GRM3: variants seen among roughly 807,000 people sequenced by gnomAD.
GRM3 encodes metabotropic glutamate receptor 3.
Under a neutral mutation model 70.5 loss-of-function variants are expected in GRM3, and 26 were observed. The observed-to-expected ratio is 0.37, with a 90% confidence interval of 0.27 to 0.51. The LOEUF (loss-of-function observed/expected upper bound fraction) is 0.51. Among genes scored for constraint, GRM3 ranks in the 20% least tolerant of loss-of-function variants. The probability of loss-of-function intolerance (pLI) is 0.93; values close to 1 mark genes in which losing one functional copy is unlikely to be tolerated. For synonymous variants in GRM3, 443 were observed against 434.9 expected, an observed-to-expected ratio of 1.02 and a Z score of -0.23; for missense variants, 859 against 1,123.8, an observed-to-expected ratio of 0.76 and a Z score of 3.37.
intron 5 of GRM3, among the ~76,000 whole-genome samples, chr7:86,850,813 T>C (rs987235222): frequency 3.3e-5 from 5 of 152,124 alleles, no homozygotes; most frequent in Non-Finnish European, 4.4e-5. Context: ...GGTTTGACCA[T>C]GTTGTGGGGT....
chr7:86,799,799 G>T (rs1312385873), intron 3 of GRM3, among the ~76,000 whole-genome samples: 3 of 152,290 alleles, frequency 2.0e-5, no homozygotes, highest in African/African-American at 4.8e-5. Context: ...AAAGTGCTGG[G>T]ATTACAGGCG....
intron 3 of GRM3, among the ~76,000 whole-genome samples, chr7:86,790,546 A>G (rs1215537493): frequency 6.6e-6 from 1 of 152,044 alleles, no homozygotes; most frequent in Non-Finnish European, 1.5e-5. Context: ...ACTCAGAACC[A>G]CTTGAGTTCC....
At chr7:86,750,452 C>A (rs1317321762) in intron 1 of GRM3, among the ~76,000 whole-genome samples, 1 of 151,910 alleles carries the variant, frequency 6.6e-6, no homozygotes, top group East Asian at 1.9e-4. Flanking sequence ...AATTAGCTTG[C>A]CCAGACTTGG....
At chr7:86,863,765 CTTT>C (rs1799004564) in intron 5 of GRM3, among the ~76,000 whole-genome samples, 2 of 152,050 alleles carry the variant, frequency 1.3e-5, no homozygotes, top group Non-Finnish European at 2.9e-5. Context: ...TTGCAGTGAG[CTTT>C]TGATTTTGCA....
intron 5 of GRM3, 121 bp downstream of exon 5, chr7:86,850,665 T>C (rs1798739647): frequency 1.4e-6 from 1 of 724,190 alleles, no homozygotes; most frequent in African/African-American, 1.7e-5. Flanking sequence ...TTACTAAGTA[T>C]GGATTTAAAC....
chr7:86,818,229 A>G (rs1798053969), intron 3 of GRM3, among the ~76,000 whole-genome samples: 1 of 152,098 alleles, frequency 6.6e-6, no homozygotes. Context: ...TTATTGTGCT[A>G]TATATTGATG....
intron 2 of GRM3, among the ~76,000 whole-genome samples, chr7:86,774,163 G>T (rs888163623): frequency 6.6e-6 from 1 of 152,056 alleles, no homozygotes; most frequent in South Asian, 2.1e-4. Context: ...TTAAATATGT[G>T]CCTTTTTCAT....
chr7:86,725,492 G>C (rs1219285058), intron 1 of GRM3, among the ~76,000 whole-genome samples: 1 of 152,090 alleles, frequency 6.6e-6, no homozygotes, highest in Non-Finnish European at 1.5e-5. Context: ...AGCCTCAAAG[G>C]CCACATAGCA....
At chr7:86,848,518 T>C (rs1279012579) in intron 4 of GRM3, among the ~76,000 whole-genome samples, 4 of 152,078 alleles carry the variant, frequency 2.6e-5, no homozygotes, top group African/African-American at 7.2e-5. Context: ...CCTCTGGCCT[T>C]TTCCCCTGCA....
At chr7:86,805,857 T>C (rs1797779407) in intron 3 of GRM3, among the ~76,000 whole-genome samples, 1 of 152,170 alleles carries the variant, frequency 6.6e-6, no homozygotes, top group East Asian at 1.9e-4. Flanking sequence ...CATTAACTCA[T>C]CATTTACATT....
intron 1 of GRM3, among the ~76,000 whole-genome samples, chr7:86,679,154 C>T (rs1794382916): frequency 6.6e-6 from 1 of 151,928 alleles, no homozygotes; most frequent in Admixed American, 6.6e-5. Flanking sequence ...TCTTGTCTGA[C>T]CATCTTATTA....
At chr7:86,728,309 A>G (rs962049294) in intron 1 of GRM3, among the ~76,000 whole-genome samples, 5 of 152,170 alleles carry the variant, frequency 3.3e-5, no homozygotes, top group Non-Finnish European at 5.9e-5. Context: ...ACTATCAAAG[A>G]CAGTATATGT....
Position 86,786,639 on chromosome 7 carries a change from G to A in GRM3, c.847G>A (p.Glu283Lys), listed in dbSNP as rs1277147902. ...VLFMRSDDSR[E>K]LIAAASRANA... is the part of the protein sequence containing the mutation. ...CTTCATGCGCAGCGACGACTCGCGG[G>A]AGCTCATTGCAGCCGCCAGCCGCGC... Residue 283 changes from glutamate to lysine, a missense_variant, in exon 3 of 6, where the codon GAG (glutamate) becomes AAG (lysine). Transcript: ENST00000361669. This position sits in a 1 kb window ranked among gnomAD's most constrained non-coding sequence, Gnocchi z 6.0. The A allele has an allele frequency of 2.3e-5, 37 of 1,612,204 alleles. No homozygotes were observed. Among genetic ancestry groups the A allele is most frequent in the Non-Finnish European group, 3.1e-5 (36 of 1,179,866 alleles).
intron 1 of GRM3, among the ~76,000 whole-genome samples, chr7:86,650,704 G>C (rs920339873): frequency 6.6e-6 from 1 of 152,190 alleles, no homozygotes; most frequent in Non-Finnish European, 1.5e-5. Context: ...ATTTCTTGGA[G>C]TCTGATTTCA....
chr7:86,841,923 T>A (rs1184973446), intron 4 of GRM3, among the ~76,000 whole-genome samples: 2 of 152,160 alleles, frequency 1.3e-5, no homozygotes, highest in African/African-American at 4.8e-5. Flanking sequence ...TAGAGTTTTT[T>A]AAGGTCCGTG....
At chr7:86,719,042 C>T (rs1385202944) in intron 1 of GRM3, among the ~76,000 whole-genome samples, 8 of 151,898 alleles carry the variant, frequency 5.3e-5, no homozygotes, top group Non-Finnish European at 1.5e-5. Context: ...ATAAACAAGG[C>T]TGTTCTACTT....
At chr7:86,673,157 CTG>C (rs1273750205) in intron 1 of GRM3, among the ~76,000 whole-genome samples, 1 of 152,102 alleles carries the variant, frequency 6.6e-6, no homozygotes, top group Non-Finnish European at 1.5e-5. Context: ...AAAGGCATGA[CTG>C]AGCACTCAGC....
intron 3 of GRM3, among the ~76,000 whole-genome samples, chr7:86,830,958 C>A (rs761118249): frequency 6.6e-6 from 1 of 152,070 alleles, no homozygotes; most frequent in Non-Finnish European, 1.5e-5. Flanking sequence ...CATTAACAAG[C>A]CAAGGAACAC....
chr7:86,681,691 C>T (rs1192899527), intron 1 of GRM3, among the ~76,000 whole-genome samples: 3 of 152,062 alleles, frequency 2.0e-5, no homozygotes, highest in Non-Finnish European at 4.4e-5. Flanking sequence ...GCTGAGGTAA[C>T]ATCTCACATA....
Sources: gnomAD v4.1 joint callset for allele counts (sites outside exome capture counted in the v4.1 genomes callset) on GRCh38, gnomAD v4.1.1 for gene constraint, Gnocchi (gnomAD v3.1) non-coding constraint, MANE v1.5 for transcripts, NCBI Gene and HGNC (gene_info 2026-07-23, HGNC 2026-07-21) for gene names.